Variants in COL15A1 observed in about 807,000 individuals in gnomAD.
COL15A1 encodes collagen type XV alpha 1 chain, also known as collagen alpha-1(XV) chain.
In COL15A1, 111 loss-of-function variants were observed where a neutral mutation model predicts 165.9. The ratio of observed to expected loss-of-function variants is 0.67; its 90% CI spans 0.57 to 0.78. COL15A1 has a LOEUF of 0.78. Among genes scored for constraint, COL15A1 ranks in the 30% least tolerant of loss-of-function variants. The probability of loss-of-function intolerance (pLI) is 0.00; values close to 1 mark genes in which losing one functional copy is unlikely to be tolerated. For missense variants in COL15A1, 1,745 were observed against 1,789.7 expected (o/e 0.98, Z 0.45); for synonymous variants, 659 against 674.8 (o/e 0.98, Z 0.36).
At chr9:99,060,071 C>A in intron 36 of COL15A1, 118 bp downstream of exon 36, 1 of 1,069,740 alleles carries the variant, frequency 9.3e-7, no homozygotes, top group Non-Finnish European at 1.3e-6. Flanking sequence ...TGATAGTAGG[C>A]TTGGTGCAAT....
chr9:99,001,436 C>G (rs1838653024), intron 7 of COL15A1, among the ~76,000 whole-genome samples: 2 of 152,150 alleles, frequency 1.3e-5, no homozygotes, highest in African/African-American at 4.8e-5. Context: ...GCTGAAAACC[C>G]ACAACGCCAG....
At chr9:99,000,726 C>T (rs903318255) in intron 6 of COL15A1, 113 bp from the exon 7 acceptor site, 12 of 686,618 alleles carry the variant, frequency 1.7e-5, no homozygotes, top group Middle Eastern at 3.2e-4. Context: ...CCCCTCTTGA[C>T]CCTGTGTCAT....
At chr9:99,034,877 T>C (rs1229325241) in intron 17 of COL15A1, 137 bp from the exon 18 acceptor site, 1 of 894,738 alleles carries the variant, frequency 1.1e-6, no homozygotes, top group East Asian at 2.5e-5. Flanking sequence ...GCTGTTTCTG[T>C]ACCATTAAGT....
chr9:98,985,042 T>A (rs750989637), intron 2 of COL15A1, among the ~76,000 whole-genome samples: 18 of 152,182 alleles, frequency 1.2e-4, no homozygotes, highest in South Asian at 2.1e-4. Flanking sequence ...TCCACCCACC[T>A]GGGCCTCCCA....
intron 4 of COL15A1, among the ~76,000 whole-genome samples, chr9:98,988,503 T>C (rs1324123226): frequency 6.6e-6 from 1 of 152,276 alleles, no homozygotes. Flanking sequence ...AGCGCAAGAT[T>C]CCAATGACAG....
Position 99,069,978 on chromosome 9 carries a change from A to G in COL15A1, c.*92A>G, listed in dbSNP as rs1004211059. The stretch of plus-strand genomic sequence containing the variant: ...AAAATGTTTAATTGTTGTAAATATT[A>G]CAGTTTTTTTTTTTTACTACATATT... On this transcript the variant is annotated 3_prime_UTR_variant, in exon 42 of 42. Transcript: ENST00000375001. 7 of 953,094 alleles carry G rather than the reference A, an allele frequency of 7.3e-6. No individual in the cohort carries two copies. In the African/African-American group the frequency reaches 1.2e-4, roughly 16 times the overall value. The allele number at this position is 953,094 out of a possible 1,614,324, so 59.0% of individuals were successfully genotyped here. A position where few individuals can be genotyped will look rare whatever the true frequency, so the allele number is the denominator to read the frequency against.
In COL15A1 at chr9:99,047,665, C is replaced by A; in HGVS notation, c.2680-121C>A. 7 of 1,027,234 alleles carry A rather than the reference C, an allele frequency of 6.8e-6. No homozygotes were observed. The Admixed American group carries it at 1.2e-4, about 18-fold the overall frequency. The allele number at this position is 1,027,234 out of a possible 1,614,324, so 63.6% of individuals were successfully genotyped here. A position where few individuals can be genotyped will look rare whatever the true frequency, so the allele number is the denominator to read the frequency against. Reference sequence around the variant, plus strand: ...CAGGGGCTTCTACCTGGCTCCCTGCCCTCCTTCCTCCTGTCAGTGGATCAT... The same window carrying A: ...CAGGGGCTTCTACCTGGCTCCCTGCACTCCTTCCTCCTGTCAGTGGATCAT... On this transcript the variant is annotated intron_variant, in intron 26 of 41. Coordinates refer to ENST00000375001, the MANE Select transcript of COL15A1 (RefSeq NM_001855.5).
rs574582278 is a variant in COL15A1, at chr9:99,024,804, C to A, written c.1855-70C>A. 3.0e-4 allele frequency: 457 copies of A among 1,515,866 alleles called. 1 individual carries two copies. The African/African-American group carries it at 5.9e-3, about 20-fold the overall frequency. The allele number at this position is 1,515,866 out of a possible 1,614,324, so 93.9% of individuals were successfully genotyped here. A position where few individuals can be genotyped will look rare whatever the true frequency, so the allele number is the denominator to read the frequency against. ...ATTGTTGAAAGAATTTGAGAGATTG[C>A]ATGAAGCACATACTCAGTATCTCAT... is the stretch of plus-strand genomic sequence containing the variant. On this transcript the variant is annotated intron_variant, in intron 14 of 41. Coordinates refer to ENST00000375001, the MANE Select transcript of COL15A1 (RefSeq NM_001855.5).
intron 9 of COL15A1, among the ~76,000 whole-genome samples, chr9:99,010,104 G>A (rs554211291): frequency 1.2e-4 from 18 of 152,264 alleles, no homozygotes; most frequent in Admixed American, 1.1e-3. Flanking sequence ...TATGTCTCAC[G>A]AACGCAGTTT....
At chr9:99,015,299 G>C in intron 9 of COL15A1, 118 bp from the exon 10 acceptor site, 1 of 709,812 alleles carries the variant, frequency 1.4e-6, no homozygotes. Context: ...CAAAGGAAAG[G>C]GAATCATGGA....
chr9:98,973,009 T>G (rs543135725), intron 2 of COL15A1, among the ~76,000 whole-genome samples: 1 of 152,120 alleles, frequency 6.6e-6, no homozygotes, highest in East Asian at 1.9e-4. Flanking sequence ...GAGAGAATGA[T>G]CCCTGCGTTG....
intron 12 of COL15A1, among the ~76,000 whole-genome samples, chr9:99,021,488 T>C (rs1005132405): frequency 2.0e-5 from 3 of 152,210 alleles, no homozygotes; most frequent in Non-Finnish European, 4.4e-5. Flanking sequence ...CTGGGCCCTT[T>C]TTGACAGCCA....
chr9:99,050,648 T>C (rs1435254923), intron 30 of COL15A1, among the ~76,000 whole-genome samples: 2 of 152,226 alleles, frequency 1.3e-5, no homozygotes, highest in African/African-American at 2.4e-5. Flanking sequence ...CTCTCATTCA[T>C]TCGACAAATA....
intron 6 of COL15A1, among the ~76,000 whole-genome samples, chr9:98,999,369 C>T (rs1838607256): frequency 6.6e-6 from 1 of 152,068 alleles, no homozygotes; most frequent in Non-Finnish European, 1.5e-5. Context: ...AGGATCTGCC[C>T]ACCTGCAGGA....
intron 2 of COL15A1, among the ~76,000 whole-genome samples, chr9:98,956,331 A>G (rs1837775560): frequency 6.6e-6 from 1 of 152,116 alleles, no homozygotes; most frequent in South Asian, 2.1e-4. Flanking sequence ...CAAAGAAACA[A>G]AAAACAACAA....
intron 9 of COL15A1, among the ~76,000 whole-genome samples, chr9:99,006,873 CAA>C (rs1455433919): frequency 3.3e-5 from 5 of 152,162 alleles, no homozygotes; most frequent in African/African-American, 1.2e-4. Context: ...AGCTGTAAAG[CAA>C]AGAGTATTTG....
intron 2 of COL15A1, among the ~76,000 whole-genome samples, chr9:98,963,190 G>C (rs1031964979): frequency 6.6e-6 from 1 of 152,184 alleles, no homozygotes; most frequent in East Asian, 1.9e-4. Flanking sequence ...CATAGCGTAG[G>C]CTCCTTGTGT....
At chr9:99,030,242 A>G (rs1839196157) in intron 16 of COL15A1, among the ~76,000 whole-genome samples, 1 of 152,198 alleles carries the variant, frequency 6.6e-6, no homozygotes, top group Non-Finnish European at 1.5e-5. Context: ...CCATTAGTGA[A>G]CTGATACCTT....
intron 9 of COL15A1, among the ~76,000 whole-genome samples, chr9:99,011,464 T>G (rs1311631458): frequency 6.7e-6 from 1 of 150,368 alleles, no homozygotes; most frequent in Non-Finnish European, 1.5e-5. Context: ...TAAAAGATTC[T>G]TTCTTGTATA....
Sources: gnomAD v4.1 joint callset for allele counts (sites outside exome capture counted in the v4.1 genomes callset) on GRCh38, gnomAD v4.1.1 for gene constraint, MANE v1.5 for transcripts, NCBI Gene and HGNC (gene_info 2026-07-23, HGNC 2026-07-21) for gene names.